Variants in SGCZ observed in about 807,000 individuals in gnomAD.
The protein encoded by SGCZ is zeta-sarcoglycan.
Under a neutral mutation model 41.3 loss-of-function variants are expected in SGCZ, and 40 were observed. The observed-to-expected ratio is 0.97, with a 90% CI of 0.75 to 1.26. The LOEUF is 1.26. SGCZ is among the 50% of genes most tolerant of loss of function. The pLI is 0.00. For synonymous variants in SGCZ, 206 were observed against 137.5 expected (o/e 1.50, Z -3.49); for missense variants, 552 against 369.8 (o/e 1.49, Z -4.04).
intron 2 of SGCZ, chr8:14,332,469 A>C (rs904247858): frequency 2.0e-5 from 3 of 152,072 alleles, no homozygotes; most frequent in Non-Finnish European, 4.4e-5. Flanking sequence ...AAAATAAAAA[A>C]TAAAAATATG....
intron 5 of SGCZ, among the ~76,000 whole-genome samples, chr8:14,145,160 C>T (rs1803483528): frequency 6.6e-6 from 1 of 152,162 alleles, no homozygotes; most frequent in Admixed American, 6.5e-5. Context: ...TCAGTTCTGA[C>T]CAAGTGCAGT....
chr8:14,763,274 C>T (rs1246671947), intron 1 of SGCZ, among the ~76,000 whole-genome samples: 1 of 152,076 alleles, frequency 6.6e-6, no homozygotes, highest in Non-Finnish European at 1.5e-5. Context: ...TCATTGCAGC[C>T]ACACTTTACA....
intron 2 of SGCZ, among the ~76,000 whole-genome samples, chr8:14,340,826 A>G (rs1373674816): frequency 1.3e-5 from 2 of 152,206 alleles, no homozygotes; most frequent in Non-Finnish European, 2.9e-5. Flanking sequence ...TTTTAAGGGT[A>G]TGGTTCAGTG....
At chr8:15,045,470 C>T (rs942857012) in intron 1 of SGCZ, among the ~76,000 whole-genome samples, 1 of 152,014 alleles carries the variant, frequency 6.6e-6, no homozygotes, top group African/African-American at 2.4e-5. Flanking sequence ...ATACATGTTT[C>T]AATCAGTAAT....
intron 2 of SGCZ, among the ~76,000 whole-genome samples, chr8:14,397,771 A>T (rs1463324390): frequency 6.6e-6 from 1 of 152,150 alleles, no homozygotes; most frequent in Non-Finnish European, 1.5e-5. Flanking sequence ...CCCCTTCATC[A>T]TCTGTCACCA....
At chr8:15,219,769 T>C (rs751161305) in intron 1 of SGCZ, among the ~76,000 whole-genome samples, 115 of 152,182 alleles carry the variant, frequency 7.6e-4, no homozygotes, top group Non-Finnish European at 1.3e-3. Context: ...CACTTATGTC[T>C]CATTATGAAT....
At chr8:14,167,768 A>G (rs963134311) in intron 4 of SGCZ, among the ~76,000 whole-genome samples, 1 of 152,178 alleles carries the variant, frequency 6.6e-6, no homozygotes, top group Non-Finnish European at 1.5e-5. Flanking sequence ...TCTCTCAGAG[A>G]TGGCTCCATC....
At chr8:14,867,581 C>CA (rs765989982) in intron 1 of SGCZ, among the ~76,000 whole-genome samples, 2 of 152,128 alleles carry the variant, frequency 1.3e-5, no homozygotes, top group Non-Finnish European at 2.9e-5. Flanking sequence ...TGCGTATAAG[C>CA]ACTCTTTTTC....
chr8:14,592,288 T>C (rs1805265664), intron 1 of SGCZ, among the ~76,000 whole-genome samples: 1 of 152,154 alleles, frequency 6.6e-6, no homozygotes, highest in Non-Finnish European at 1.5e-5. Context: ...CAATGAAGAA[T>C]AATGATACAT....
chr8:14,244,149 C>G (rs775611080), intron 3 of SGCZ, among the ~76,000 whole-genome samples: 2 of 736 alleles, frequency 2.7e-3, no homozygotes, highest in Non-Finnish European at 5.1e-3. Context: ...TTCCTTCTTC[C>G]TCCTCCTCTT....
At chr8:14,550,104 G>A (rs375746861) in intron 2 of SGCZ, among the ~76,000 whole-genome samples, 3 of 152,026 alleles carry the variant, frequency 2.0e-5, no homozygotes, top group East Asian at 1.9e-4. Context: ...AAGAAAATTC[G>A]TAAGATCATT....
At chr8:14,955,180 AAAAAG>A (rs1800753835) in intron 1 of SGCZ, among the ~76,000 whole-genome samples, 1 of 152,186 alleles carries the variant, frequency 6.6e-6, no homozygotes, top group Non-Finnish European at 1.5e-5. Context: ...TGAAGTTAAA[AAAAAG>A]AAAACTTCAA....
chr8:14,259,222 A>G (rs1323684620), intron 3 of SGCZ, among the ~76,000 whole-genome samples: 1 of 152,222 alleles, frequency 6.6e-6, no homozygotes, highest in Non-Finnish European at 1.5e-5. Flanking sequence ...AAAAACACAC[A>G]TGAATAGAAT....
At position 14,215,291 on chromosome 8, in the gene SGCZ, A is replaced by G. The variant is rs534806796; in HGVS notation, c.424+22301T>C. 2.0e-5 allele frequency among the ~76,000 whole-genome samples: 3 copies of G among 152,236 alleles called. No homozygotes were observed. In the East Asian group the frequency reaches 5.8e-4, roughly 29 times the overall value. ...TAGACAAAGAAGTCTCAAAAGTTAA[A>G]TAAATACATACATATGTGTATATAT... On this transcript the variant is annotated intron_variant, in intron 4 of 7. Coordinates refer to ENST00000382080, the MANE Select transcript of SGCZ (RefSeq NM_139167.4).
In SGCZ at chr8:14,258,859, T is replaced by A. The variant is rs553207994; in HGVS notation, c.337-21180A>T. ...AGTTTGTAGAAACTATTCAAGAACA[T>A]GCCCTTGCCTTCTTCATGCTTGCAA... is the stretch of plus-strand genomic sequence containing the variant. On this transcript the variant is annotated intron_variant, in intron 3 of 7. Coordinates refer to ENST00000382080, the MANE Select transcript of SGCZ (RefSeq NM_139167.4). Among the ~76,000 whole-genome samples the A allele has an allele frequency of 8.5e-5, 13 of 152,316 alleles. No individual in the cohort carries two copies. In the East Asian group the frequency reaches 2.5e-3, roughly 29 times the overall value.
chr8:14,817,348 A>T (rs566693937), intron 1 of SGCZ, among the ~76,000 whole-genome samples: 2 of 152,246 alleles, frequency 1.3e-5, no homozygotes, highest in South Asian at 4.1e-4. Flanking sequence ...AAATACAAGC[A>T]ATCTTTACTA....
chr8:14,726,727 C>T (rs1387115730), intron 1 of SGCZ, among the ~76,000 whole-genome samples: 1 of 151,940 alleles, frequency 6.6e-6, no homozygotes, highest in African/African-American at 2.4e-5. Context: ...CTTGAATGAA[C>T]ATACAAACCT....
chr8:14,468,917 T>C (rs1433427095), intron 2 of SGCZ, among the ~76,000 whole-genome samples: 2 of 152,124 alleles, frequency 1.3e-5, no homozygotes, highest in African/African-American at 4.8e-5. Context: ...TTAGGCCTCA[T>C]GTATACACTA....
At chr8:14,475,865 T>C (rs945983963) in intron 2 of SGCZ, among the ~76,000 whole-genome samples, 1 of 152,318 alleles carries the variant, frequency 6.6e-6, no homozygotes, top group East Asian at 1.9e-4. Context: ...AGACAGGGTC[T>C]GTCTGTGTCA....
Sources: gnomAD v4.1 joint callset for allele counts (sites outside exome capture counted in the v4.1 genomes callset) on GRCh38, gnomAD v4.1.1 for gene constraint, MANE v1.5 for transcripts, NCBI Gene and HGNC (gene_info 2026-07-23, HGNC 2026-07-21) for gene names.